Variants in SULF1 observed in about 807,000 individuals in gnomAD.
SULF1 encodes extracellular sulfatase Sulf-1.
In SULF1, 46 loss-of-function variants were observed where a neutral mutation model predicts 110.5. The observed-to-expected ratio is 0.42, with a 90% CI of 0.33 to 0.53. SULF1 has a LOEUF of 0.53. Among genes scored for constraint, SULF1 ranks in the 20% least tolerant of loss-of-function variants. The probability of loss-of-function intolerance (pLI) is 0.12; values close to 1 mark genes in which losing one functional copy is unlikely to be tolerated. For synonymous variants in SULF1, 371 were observed against 387.1 expected (o/e 0.96, Z 0.49); for missense variants, 941 against 1,094.2 (o/e 0.86, Z 1.98).
chr8:69,623,259 T>C (rs1450647351), intron 14 of SULF1, among the ~76,000 whole-genome samples: 1 of 152,108 alleles, frequency 6.6e-6, no homozygotes, highest in Non-Finnish European at 1.5e-5. Flanking sequence ...AAATAGAAGT[T>C]GTCTAGAGCA....
intron 3 of SULF1, chr8:69,563,075 T>C (rs1400541551): frequency 6.6e-6 from 1 of 152,312 alleles, no homozygotes; most frequent in East Asian, 1.9e-4. Flanking sequence ...TAGAGAATGA[T>C]ATAATGCAGA....
rs746100005 is a variant in SULF1 at position 69,563,951 on chromosome 8, G to A, written c.-25G>A. On this transcript the variant is annotated 5_prime_UTR_variant, in exon 5 of 23. Transcript: ENST00000402687. Reference sequence around the variant, plus strand: ...ATCAGGAGACGGAGACATTTTGTCAGTTTTGCAACATTGGACCAAATACAA... The same window carrying A: ...ATCAGGAGACGGAGACATTTTGTCAATTTTGCAACATTGGACCAAATACAA... 1.1e-5 allele frequency: 18 copies of A among 1,608,164 alleles called. No individual in the cohort carries two copies. Among genetic ancestry groups the A allele is most frequent in the Non-Finnish European group, 1.5e-5 (18 of 1,175,116 alleles).
At chr8:69,635,975 A>G (rs542705062) in intron 19 of SULF1, among the ~76,000 whole-genome samples, 305 of 152,182 alleles carry the variant, frequency 2.0e-3, no homozygotes, top group South Asian at 0.012. Flanking sequence ...AGGTTTTTCC[A>G]TCTGTTAACA....
intron 1 of SULF1, among the ~76,000 whole-genome samples, chr8:69,471,093 C>T (rs1220960404): frequency 3.3e-5 from 5 of 152,276 alleles, no homozygotes; most frequent in East Asian, 1.9e-4. Context: ...CCTCTCTGAC[C>T]GCTACCTCTT....
At chr8:69,472,397 A>G (rs1809122115) in intron 1 of SULF1, among the ~76,000 whole-genome samples, 1 of 152,254 alleles carries the variant, frequency 6.6e-6, no homozygotes, top group African/African-American at 2.4e-5. Flanking sequence ...AATTTAACAA[A>G]AAAGCTGAAA....
chr8:69,656,284 T>G (rs1812722580), intron 22 of SULF1, among the ~76,000 whole-genome samples: 1 of 152,254 alleles, frequency 6.6e-6, no homozygotes, highest in South Asian at 2.1e-4. Flanking sequence ...AATTCTTGTT[T>G]TCCACTTTAT....
Position 69,620,760 on chromosome 8 carries a change from A to G in SULF1, c.1378-275A>G, listed in dbSNP as rs1809534012. ...TTCAAGACTGTTTAGTCTGCGTGCT[A>G]AGGATTCATATATCAGTTTTTGGCT... is the stretch of plus-strand genomic sequence containing the variant. On this transcript the variant is annotated intron_variant, in intron 13 of 22. Transcript: ENST00000402687. 1.3e-5 allele frequency among the ~76,000 whole-genome samples: 2 copies of G among 152,194 alleles called. 1 individual carries two copies. The highest frequency in any genetic ancestry group is 1.3e-4 in the Admixed American group (2 of 15,280).
In SULF1 at chr8:69,627,695, A is replaced by G. The variant is rs1297094094; in HGVS notation, c.1948-77A>G. The G allele has an allele frequency of 9.3e-6, 9 of 969,702 alleles. No homozygotes were observed. In the Admixed American group the frequency reaches 1.5e-4, roughly 16 times the overall value. 60.1% of individuals were successfully genotyped at this position (969,702 alleles called of 1,614,324 possible). A position where few individuals can be genotyped will look rare whatever the true frequency, so the allele number is the denominator to read the frequency against. On this transcript the variant is annotated intron_variant, in intron 16 of 22. Coordinates refer to ENST00000402687, the MANE Select transcript of SULF1 (RefSeq NM_001128205.2). The stretch of plus-strand genomic sequence containing the variant: ...ATAGCTGTTATTACAGAACAGAGAA[A>G]ACAAGGTGAAAAGAAAAGTACTTTG...
chr8:69,606,110 A>G (rs1222799665), intron 13 of SULF1, among the ~76,000 whole-genome samples: 1 of 152,226 alleles, frequency 6.6e-6, no homozygotes, highest in African/African-American at 2.4e-5. Flanking sequence ...CTCACTCATT[A>G]TACGCTTATT....
At chr8:69,564,612 A>C (rs576837946) in intron 5 of SULF1, among the ~76,000 whole-genome samples, 4 of 152,376 alleles carry the variant, frequency 2.6e-5, no homozygotes, top group Admixed American at 6.5e-5. Context: ...TAGGTAATTC[A>C]AAGTTGCAGT....
chr8:69,587,069 A>T (rs1169289140), intron 7 of SULF1, among the ~76,000 whole-genome samples: 1 of 152,234 alleles, frequency 6.6e-6, no homozygotes, highest in Non-Finnish European at 1.5e-5. Flanking sequence ...AGGATTTTCA[A>T]ATCAGTTCAG....
In SULF1 at chr8:69,642,822, T is replaced by C. The variant is rs547262840; in HGVS notation, c.2585+1981T>C. The stretch of plus-strand genomic sequence containing the variant: ...CCCTGGCCAACTTTGAAAGGAAGAA[T>C]GTTTAACTGCACTTTGGGCGTAAAT... On this transcript the variant is annotated intron_variant, in intron 22 of 22. Coordinates refer to ENST00000402687, the MANE Select transcript of SULF1 (RefSeq NM_001128205.2). Among the ~76,000 whole-genome samples the C allele has an allele frequency of 2.0e-5, 3 of 152,254 alleles. No homozygotes were observed. The East Asian group carries it at 5.8e-4, about 29-fold the overall frequency.
Position 69,626,168 on chromosome 8 carries a change from G to C in SULF1, c.1851-1042G>C, listed in dbSNP as rs1333681088. The C allele has an allele frequency of 4.4e-5, 2 of 45,932 alleles. 1 individual carries two copies. The highest frequency in any genetic ancestry group is 1.6e-4 in the African/African-American group (2 of 12,872). The allele number at this position is 45,932 out of a possible 1,614,324, so 2.8% of individuals were successfully genotyped here. A position where few individuals can be genotyped will look rare whatever the true frequency, so the allele number is the denominator to read the frequency against. On this transcript the variant is annotated intron_variant, in intron 15 of 22. Transcript: ENST00000402687. ...GGTTCTCCAAGGCCCCACCAGAGCAGCTAGATACAGTGTCGATTGGTGCAG... is the reference window on the plus strand; with the variant it reads ...GGTTCTCCAAGGCCCCACCAGAGCACCTAGATACAGTGTCGATTGGTGCAG...
chr8:69,571,264 AG>A (rs1459408105), intron 5 of SULF1, among the ~76,000 whole-genome samples: 1 of 152,236 alleles, frequency 6.6e-6, no homozygotes, highest in East Asian at 1.9e-4. Flanking sequence ...GGGCAACCAC[AG>A]CCACCTCGGC....
At chr8:69,506,934 C>T (rs551712861) in intron 3 of SULF1, among the ~76,000 whole-genome samples, 5 of 152,254 alleles carry the variant, frequency 3.3e-5, no homozygotes, top group South Asian at 2.1e-4. Context: ...TGCTCAAAAG[C>T]GCAAGTTGGT....
intron 10 of SULF1, 25 bp from the exon 11 acceptor site, chr8:69,603,167 G>C (rs756195236): frequency 2.5e-6 from 4 of 1,613,156 alleles, no homozygotes; most frequent in Non-Finnish European, 2.5e-6. Flanking sequence ...TTGGATCTCA[G>C]CCATCACCGT....
At chr8:69,526,843 G>GGAAGGA (rs1563498501) in intron 3 of SULF1, among the ~76,000 whole-genome samples, 13 of 71,370 alleles carry the variant, frequency 1.8e-4, no homozygotes, top group Admixed American at 4.1e-4. Context: ...GGAAGGAAGG[G>GGAAGGA]AGGAAGGAAG....
intron 19 of SULF1, among the ~76,000 whole-genome samples, chr8:69,636,030 G>T (rs1200557626): frequency 2.0e-5 from 3 of 152,094 alleles, no homozygotes; most frequent in Admixed American, 2.0e-4. Context: ...TAGCTTTGGG[G>T]ATTAAATGAG....
chr8:69,522,739 T>A (rs1218594498), intron 3 of SULF1, among the ~76,000 whole-genome samples: 5 of 152,118 alleles, frequency 3.3e-5, no homozygotes, highest in African/African-American at 9.7e-5. Context: ...GGAAGCCGAA[T>A]GAAGACAGTG....
Sources: allele counts gnomAD v4.1 joint callset (sites outside exome capture counted in the v4.1 genomes callset), GRCh38; gene constraint gnomAD v4.1.1; transcripts MANE v1.5; gene names NCBI Gene and HGNC (gene_info 2026-07-23, HGNC 2026-07-21).